ZNF22: variants seen among roughly 807,000 people sequenced by gnomAD.
ZNF22 encodes the protein krox-26 protein.
ZNF22 carries 15 observed loss-of-function variants against 17.0 expected under a neutral mutation model. The observed-to-expected ratio is 0.88, with a 90% CI of 0.59 to 1.36. The LOEUF (loss-of-function observed/expected upper bound fraction) is 1.36, where lower values mean the gene tolerates loss of function less well. Among genes scored for constraint, ZNF22 ranks in the 40% most tolerant of loss-of-function variants. The pLI is 0.00. For synonymous variants in ZNF22, 84 were observed against 90.7 expected (o/e 0.93, Z 0.42); for missense variants, 272 against 276.1 (o/e 0.98, Z 0.11).
chr10:45,002,527 A>G (rs1218758871), intron 1 of ZNF22: 2 of 152,174 alleles, frequency 1.3e-5, no homozygotes, highest in African/African-American at 4.8e-5. Flanking sequence ...GTTCTTTTGC[A>G]GTTTTTCTGT....
At position 45,004,586 on chromosome 10, in the gene ZNF22, A is replaced by G. The variant is rs1199145653; in HGVS notation, c.*543A>G. 3 of 167,162 alleles carry G rather than the reference A, an allele frequency of 1.8e-5. No homozygotes were observed. The highest frequency in any genetic ancestry group is 2.9e-5 in the Non-Finnish European group (2 of 68,476). The allele number at this position is 167,162 out of a possible 1,614,324, so 10.4% of individuals were successfully genotyped here. ...TATTAAAATGTATTCAAGCTCACAG[A>G]TTTTTAATCAGTAAGGCCTATCTAT... On this transcript the variant is annotated 3_prime_UTR_variant, in exon 2 of 2. Coordinates refer to ENST00000298299, the MANE Select transcript of ZNF22 (RefSeq NM_006963.5).
intron 1 of ZNF22, chr10:45,002,871 T>C (rs2132821761): frequency 6.5e-6 from 1 of 153,022 alleles, no homozygotes; most frequent in African/African-American, 2.4e-5. Context: ...TAATGTTCTG[T>C]TACACAAATT....
Position 45,003,859 on chromosome 10 carries a change from A to T in ZNF22, c.491A>T (p.Glu164Val). The T allele has an allele frequency of 6.2e-7, 1 of 1,614,178 alleles. No individual in the cohort carries two copies. Among genetic ancestry groups the T allele is most frequent in the Non-Finnish European group, 8.5e-7 (1 of 1,180,008 alleles). ...LIQHQRTHTGEKPYQCSECGK... is the reference protein window; with the variant it reads ...LIQHQRTHTGVKPYQCSECGK... Reference sequence around the variant, plus strand: ...CAACATCAGAGAACCCACACTGGGGAGAAACCCTACCAGTGCAGTGAATGT... The same window carrying T: ...CAACATCAGAGAACCCACACTGGGGTGAAACCCTACCAGTGCAGTGAATGT... The change falls in exon 2 of 2, where the codon GAG (glutamate) becomes GTG (valine). Residue 164 changes from glutamate (E) to valine (V), a missense_variant. By Grantham distance (121) the Glu-to-Val change is moderately radical. Coordinates refer to ENST00000298299, the MANE Select transcript of ZNF22 (RefSeq NM_006963.5).
intron 1 of ZNF22, among the ~76,000 whole-genome samples, chr10:45,001,262 C>G (rs1326834164): frequency 3.3e-5 from 5 of 151,754 alleles, no homozygotes; most frequent in African/African-American, 9.7e-5. Context: ...AGGCGCGGCC[C>G]GCGGCGGGTG....
Position 45,003,876 on chromosome 10 carries a change from A to T in ZNF22, c.508A>T (p.Ser170Cys), listed in dbSNP as rs1380356816. 2 of 1,614,192 alleles carry T rather than the reference A, an allele frequency of 1.2e-6. No homozygotes were observed. The highest frequency in any genetic ancestry group is 1.7e-6 in the Non-Finnish European group (2 of 1,180,036). ...CACTGGGGAGAAACCCTACCAGTGC[A>T]GTGAATGTGGCAAATGTTTCAGTCA... ...THTGEKPYQC[S>C]ECGKCFSQSS... is the part of the protein sequence containing the mutation. Residue 170 changes from serine to cysteine, a missense_variant, in exon 2 of 2, where the codon AGT (serine) becomes TGT (cysteine). Physicochemically the swap from Ser to Cys is moderately radical, Grantham distance 112 (BLOSUM62 -1). Coordinates refer to ENST00000298299, the MANE Select transcript of ZNF22 (RefSeq NM_006963.5).
At chr10:45,001,115 G>T (rs534947087) in intron 1 of ZNF22, 137 bp downstream of exon 1, 1 of 153,486 alleles carries the variant, frequency 6.5e-6, no homozygotes, top group African/African-American at 2.4e-5. Context: ...TCCGGGCAGG[G>T]CCTGGCCGCC....
Position 45,000,924 on chromosome 10 carries a change from C to G in ZNF22, c.-144C>G. On this transcript the variant is annotated 5_prime_UTR_variant, in exon 1 of 2. Transcript: ENST00000298299. ...GCGCCAGAGCGCGGCGAGGCCCTCA[C>G]TTCCGGCGGCGCGGGAGGCGCCCAG... is the stretch of plus-strand genomic sequence containing the variant. 1 of 1,131,618 alleles carries G rather than the reference C, an allele frequency of 8.8e-7. No homozygotes were observed. 70.1% of individuals were successfully genotyped at this position (1,131,618 alleles called of 1,614,324 possible).
chr10:45,004,103 G>A lies in ZNF22; in HGVS notation c.*60G>A. 1 of 1,490,798 alleles carries A rather than the reference G, an allele frequency of 6.7e-7. No individual in the cohort carries two copies. The highest frequency in any genetic ancestry group is 1.4e-5 in the South Asian group (1 of 73,124). 92.3% of individuals were successfully genotyped at this position (1,490,798 alleles called of 1,614,324 possible). A position where few individuals can be genotyped will look rare whatever the true frequency, so the allele number is the denominator to read the frequency against. On this transcript the variant is annotated 3_prime_UTR_variant, in exon 2 of 2. Coordinates refer to ENST00000298299, the MANE Select transcript of ZNF22 (RefSeq NM_006963.5). Reference sequence around the variant, plus strand: ...TAAGAAAAAATAAAAAGTAAAAAATGAAAGGAATCTTTTTTAGAAATAGAG... The same window carrying A: ...TAAGAAAAAATAAAAAGTAAAAAATAAAAGGAATCTTTTTTAGAAATAGAG...
In ZNF22 at chr10:45,003,701, C is replaced by T; in HGVS notation, c.333C>T (p.Tyr111=). ...GGATCCATACGGGGGAAAAGCCCTA[C>T]AAATGTGATGAGTGTGGAGAAAGCT... ...HRRIHTGEKP[Y]KCDECGESFK... is the part of the protein sequence containing the mutation. Residue 111 remains tyrosine, a synonymous_variant, in exon 2 of 2, where the codon TAC becomes TAT. Coordinates refer to ENST00000298299, the MANE Select transcript of ZNF22 (RefSeq NM_006963.5). The T allele has an allele frequency of 6.2e-7, 1 of 1,614,194 alleles. No individual in the cohort carries two copies. The highest frequency in any genetic ancestry group is 1.1e-5 in the South Asian group (1 of 91,084).
At chr10:45,002,863 A>G (rs1245271950) in intron 1 of ZNF22, 2 of 152,760 alleles carry the variant, frequency 1.3e-5, no homozygotes, top group East Asian at 3.8e-4. Flanking sequence ...AAGCATAGTA[A>G]TGTTCTGTTA....
chr10:45,003,483 T>C lies in ZNF22; in HGVS notation c.115T>C (p.Phe39Leu), dbSNP rs770362395. ...QRQKWGMTIR[F>L]DSSFSRLRRS... ...GCAGAAGTGGGGCATGACTATTCGA[T>C]TTGACTCAAGCTTCAGTAGACTCAG... The change falls in exon 2 of 2, where the codon TTT (phenylalanine) becomes CTT (leucine). Residue 39 changes from phenylalanine (F) to leucine (L), a missense_variant. Physicochemically the swap from Phe to Leu is conservative, Grantham distance 22. Coordinates refer to ENST00000298299, the MANE Select transcript of ZNF22 (RefSeq NM_006963.5). 3.7e-6 allele frequency: 6 copies of C among 1,614,258 alleles called. No individual in the cohort carries two copies. The highest frequency in any genetic ancestry group is 1.3e-5 in the African/African-American group (1 of 75,074).
At chr10:45,001,440 C>T (rs1208018067) in intron 1 of ZNF22, among the ~76,000 whole-genome samples, 1 of 152,228 alleles carries the variant, frequency 6.6e-6, no homozygotes, top group Non-Finnish European at 1.5e-5. Context: ...TTTATCATTA[C>T]CCTCCCCATT....
Position 45,004,149 on chromosome 10 carries a change from T to A in ZNF22, c.*106T>A. Reference sequence around the variant, plus strand: ...TAGAGATGCTTTATAGTAGATCACTTAAATACTGGATCTTTTGCTAGTGTG... The same window carrying A: ...TAGAGATGCTTTATAGTAGATCACTAAAATACTGGATCTTTTGCTAGTGTG... On this transcript the variant is annotated 3_prime_UTR_variant, in exon 2 of 2. Coordinates refer to ENST00000298299, the MANE Select transcript of ZNF22 (RefSeq NM_006963.5). 1 of 1,201,420 alleles carries A rather than the reference T, an allele frequency of 8.3e-7. No individual in the cohort carries two copies. The highest frequency in any genetic ancestry group is 1.1e-6 in the Non-Finnish European group (1 of 872,844). 74.4% of individuals were successfully genotyped at this position (1,201,420 alleles called of 1,614,324 possible). A position where few individuals can be genotyped will look rare whatever the true frequency, so the allele number is the denominator to read the frequency against.
intron 1 of ZNF22, among the ~76,000 whole-genome samples, chr10:45,001,883 T>TAA (rs553803632): frequency 7.9e-5 from 11 of 138,432 alleles, no homozygotes; most frequent in African/African-American, 2.4e-4. Flanking sequence ...TTATAGTTAT[T>TAA]AAAAAAAAAA....
Position 45,003,721 on chromosome 10 carries a change from A to T in ZNF22, c.353A>T (p.Glu118Val). 6.2e-7 allele frequency: 1 copy of T among 1,614,224 alleles called. No homozygotes were observed. Among genetic ancestry groups the T allele is most frequent in the Non-Finnish European group, 8.5e-7 (1 of 1,180,046 alleles). ...CCCTACAAATGTGATGAGTGTGGAG[A>T]AAGCTTCAAACAGAGCTCAAATCTC... ...EKPYKCDECG[E>V]SFKQSSNLIQ... Residue 118 changes from glutamate (E) to valine (V), a missense_variant, in exon 2 of 2, where the codon GAA becomes GTA. By Grantham distance (121) the Glu-to-Val change is moderately radical. Transcript: ENST00000298299.
rs531659626 is a variant in ZNF22 at position 45,003,282 on chromosome 10, A to C, written c.-87A>C. Reference sequence around the variant, plus strand: ...ATTTTTTTTCCTTCTACACACAGAAAATTCTGAGCTGTACACCTCTAGGAA... The same window carrying C: ...ATTTTTTTTCCTTCTACACACAGAACATTCTGAGCTGTACACCTCTAGGAA... On this transcript the variant is annotated splice_region_variant and 5_prime_UTR_variant, in exon 2 of 2. Transcript: ENST00000298299. The C allele has an allele frequency of 8.9e-5, 120 of 1,341,588 alleles. No individual in the cohort carries two copies. Among genetic ancestry groups the C allele is most frequent in the Non-Finnish European group, 1.1e-4 (109 of 1,000,426 alleles). 83.1% of individuals were successfully genotyped at this position (1,341,588 alleles called of 1,614,324 possible).
chr10:45,003,392 G>C lies in ZNF22; in HGVS notation c.24G>C (p.Ala8=). MRLAKPK[A]GISRSSSQGK... is the part of the protein sequence containing the mutation. ...CCATGAGGTTAGCAAAGCCTAAAGCGGGTATTTCTCGGAGCTCAAGCCAAG... is the reference window on the plus strand; with the variant it reads ...CCATGAGGTTAGCAAAGCCTAAAGCCGGTATTTCTCGGAGCTCAAGCCAAG... The change falls in exon 2 of 2, where the codon GCG becomes GCC. Residue 8 remains alanine, a synonymous_variant. Coordinates refer to ENST00000298299, the MANE Select transcript of ZNF22 (RefSeq NM_006963.5). 7 of 1,609,330 alleles carry C rather than the reference G, an allele frequency of 4.3e-6. No homozygotes were observed. Among genetic ancestry groups the C allele is most frequent in the Non-Finnish European group, 5.9e-6 (7 of 1,177,762 alleles).
intron 1 of ZNF22, chr10:45,002,140 T>C (rs960157973): frequency 1.3e-5 from 2 of 152,252 alleles, no homozygotes; most frequent in Non-Finnish European, 2.9e-5. Context: ...TTTGTTTTCA[T>C]TTATTTGCTT....
At chr10:45,001,972 G>A (rs1245546293) in intron 1 of ZNF22, among the ~76,000 whole-genome samples, 1 of 151,948 alleles carries the variant, frequency 6.6e-6, no homozygotes, top group Non-Finnish European at 1.5e-5. Context: ...CTTAAGTTAA[G>A]GAGTGGGTAG....
Sources: allele counts gnomAD v4.1 joint callset (sites outside exome capture counted in the v4.1 genomes callset), GRCh38; gene constraint gnomAD v4.1.1; transcripts MANE v1.5; gene names NCBI Gene and HGNC (gene_info 2026-07-23, HGNC 2026-07-21).